SAMSN1: variants seen among roughly 807,000 people sequenced by gnomAD.
SAMSN1 encodes the protein SAM domain-containing protein SAMSN-1.
A neutral mutation model predicts 42.0 loss-of-function variants in SAMSN1; 31 were observed. The ratio of observed to expected loss-of-function variants is 0.74; its 90% CI spans 0.55 to 1.00. The LOEUF (loss-of-function observed/expected upper bound fraction) is 1.00, where lower values mean the gene tolerates loss of function less well. Among genes scored for constraint, SAMSN1 ranks in the 50% least tolerant of loss-of-function variants. SAMSN1 has a pLI of 0.00. For synonymous variants in SAMSN1, 178 were observed against 151.9 expected (o/e 1.17, Z -1.26); for missense variants, 464 against 439.4 (o/e 1.06, Z -0.50).
rs184788279 is a variant in SAMSN1, at chr21:14,644,849, C to T, written c.25-1716G>A. 2.2e-3 allele frequency among the ~76,000 whole-genome samples: 329 copies of T among 152,178 alleles called. 2 individuals carry two copies. Among genetic ancestry groups the T allele is most frequent in the African/African-American group, 7.6e-3 (316 of 41,528 alleles). Reference sequence around the variant, plus strand: ...TTCACAAAAAGCTGACTTAAGAGACCTTGGGCCTTAAGAGAGCATCTGTGG... The same window carrying T: ...TTCACAAAAAGCTGACTTAAGAGACTTTGGGCCTTAAGAGAGCATCTGTGG... On this transcript the variant is annotated intron_variant, in intron 1 of 15. Coordinates refer to the SAMSN1 transcript ENST00000647101.
chr21:14,632,167 T>C (rs1390945612), intron 2 of SAMSN1, among the ~76,000 whole-genome samples: 1 of 152,014 alleles, frequency 6.6e-6, no homozygotes, highest in African/African-American at 2.4e-5. Context: ...ATTGTGGTAG[T>C]AGCTGCTTGA....
At chr21:14,517,748 C>A (rs533352776) in intron 2 of SAMSN1, among the ~76,000 whole-genome samples, 29 of 152,204 alleles carry the variant, frequency 1.9e-4, no homozygotes, top group African/African-American at 5.5e-4. Context: ...ATAAAACACT[C>A]TGTTCACAGC....
chr21:14,589,500 T>C (rs979956417), intron 7 of SAMSN1, among the ~76,000 whole-genome samples: 10 of 152,074 alleles, frequency 6.6e-5, no homozygotes, highest in African/African-American at 2.4e-4. Context: ...ACTTTCAGAT[T>C]TATAGGCCTA....
upstream of SAMSN1, among the ~76,000 whole-genome samples, chr21:14,547,856 ACTTTT>A (rs1429265036): frequency 1.3e-5 from 2 of 152,234 alleles, no homozygotes; most frequent in Admixed American, 6.5e-5. Flanking sequence ...GAAAGAATAT[ACTTTT>A]CATGATTATG....
rs1321717610 is a variant in SAMSN1 at position 14,500,573 on chromosome 21, T to C, written c.724A>G (p.Lys242Glu). Residue 242 changes from lysine (K) to glutamate (E), a missense_variant, in exon 6 of 8, where the codon AAA (lysine) becomes GAA (glutamate). Lys to Glu is a moderately conservative substitution (Grantham distance 56, BLOSUM62 1). Transcript: ENST00000400566. ...IKANRRSNSK[K>E]SKTLQEFLER... ...AGGAACTCCTGCAGAGTCTTGGATT[T>C]TTTGCTGTTACTCCTTCGGTTTGCC... 4 of 1,614,028 alleles carry C rather than the reference T, an allele frequency of 2.5e-6. No homozygotes were observed. Among genetic ancestry groups the C allele is most frequent in the Admixed American group, 1.7e-5 (1 of 60,006 alleles).
chr21:14,614,822 A>G (rs1294996824), intron 3 of SAMSN1, among the ~76,000 whole-genome samples: 3 of 151,700 alleles, frequency 2.0e-5, no homozygotes. Flanking sequence ...TGGTAGGCCA[A>G]AAAAAAGAAA....
At chr21:14,491,579 C>T (rs1426423510) in intron 7 of SAMSN1, among the ~76,000 whole-genome samples, 1 of 152,160 alleles carries the variant, frequency 6.6e-6, no homozygotes, top group Non-Finnish European at 1.5e-5. Flanking sequence ...CCACTTCACC[C>T]AATTAGCTAG....
rs58491748 is a variant in SAMSN1 at position 14,577,284 on chromosome 21, A to ATTTTTTTT, written c.261+4844_261+4851dup. ...TATATATATATATATATATATATAT[A>ATTTTTTTT]TTTTTTTTTTAGAAGAGACAGGGTT... On this transcript the variant is annotated intron_variant, in intron 2 of 8. Coordinates refer to the SAMSN1 transcript ENST00000285670. Among the ~76,000 whole-genome samples, 5 of 53,856 alleles carry ATTTTTTTT rather than the reference A, an allele frequency of 9.3e-5. 1 individual carries two copies. Among genetic ancestry groups the ATTTTTTTT allele is most frequent in the African/African-American group, 3.4e-4 (4 of 11,882 alleles). The allele number at this position is 53,856 out of a possible 152,430, so 35.3% of individuals were successfully genotyped here. A position where few individuals can be genotyped will look rare whatever the true frequency, so the allele number is the denominator to read the frequency against.
chr21:14,509,999 CGTG>C (rs1285141819), intron 5 of SAMSN1, among the ~76,000 whole-genome samples: 5 of 151,770 alleles, frequency 3.3e-5, no homozygotes, highest in Non-Finnish European at 5.9e-5. Context: ...ATTAGCCGGG[CGTG>C]GTGGCGGGCG....
chr21:14,521,530 C>T (rs1262202652), intron 1 of SAMSN1, among the ~76,000 whole-genome samples: 1 of 151,920 alleles, frequency 6.6e-6, no homozygotes, highest in Non-Finnish European at 1.5e-5. Flanking sequence ...CTGAAGAATC[C>T]TTGAATTCCA....
intron 7 of SAMSN1, chr21:14,495,620 T>G (rs556084934): frequency 6.6e-6 from 1 of 152,188 alleles, no homozygotes; most frequent in Non-Finnish European, 1.5e-5. Flanking sequence ...CATTAAGTAA[T>G]CAACTTCTAG....
At chr21:14,604,687 A>G (rs186825503) in intron 5 of SAMSN1, among the ~76,000 whole-genome samples, 271 of 152,310 alleles carry the variant, frequency 1.8e-3, no homozygotes, top group Middle Eastern at 3.4e-3. Flanking sequence ...TTGAAACCCA[A>G]CCCTGAGGCT....
chr21:14,520,376 T>C (rs1299823196), intron 2 of SAMSN1, among the ~76,000 whole-genome samples: 1 of 152,212 alleles, frequency 6.6e-6, no homozygotes, highest in Non-Finnish European at 1.5e-5. Flanking sequence ...TATATATCTA[T>C]CAAATAATGT....
intron 2 of SAMSN1, among the ~76,000 whole-genome samples, chr21:14,570,198 A>C (rs1981255627): frequency 2.6e-5 from 4 of 152,154 alleles, no homozygotes; most frequent in Admixed American, 6.6e-5. Flanking sequence ...GGGAGGAAAA[A>C]GTTCCCGCAT....
rs898508138 is a variant in SAMSN1, at chr21:14,656,278, C to T, written c.24+2470G>A. On this transcript the variant is annotated intron_variant, in intron 1 of 15. Coordinates refer to the SAMSN1 transcript ENST00000647101. ...AAGGACAAATGGGGAGCAGGGTATT[C>T]TTCTGAATAAGACTCACTTGGCAGC... Among the ~76,000 whole-genome samples the T allele has an allele frequency of 2.0e-5, 3 of 151,692 alleles. No homozygotes were observed. The Admixed American group carries it at 2.0e-4, about 10-fold the overall frequency.
intron 2 of SAMSN1, among the ~76,000 whole-genome samples, chr21:14,559,508 C>T (rs991394751): frequency 6.6e-6 from 1 of 152,170 alleles, no homozygotes; most frequent in South Asian, 2.1e-4. Context: ...CTTTCTGTCT[C>T]TCTTCTTTTT....
upstream of SAMSN1, chr21:14,546,423 G>A: frequency 8.2e-7 from 1 of 1,225,400 alleles, no homozygotes; most frequent in Non-Finnish European, 1.1e-6. Context: ...ATTTACATGG[G>A]TAATTTTTTT....
At chr21:14,650,292 A>G (rs1275682141) in intron 1 of SAMSN1, among the ~76,000 whole-genome samples, 2 of 152,158 alleles carry the variant, frequency 1.3e-5, no homozygotes, top group Non-Finnish European at 2.9e-5. Flanking sequence ...TATGTAAAAC[A>G]AAAAAGTCTT....
chr21:14,591,509 C>T (rs1982082714), intron 7 of SAMSN1: 1 of 152,156 alleles, frequency 6.6e-6, no homozygotes, highest in African/African-American at 2.4e-5. Flanking sequence ...ACACATATCA[C>T]TTCCTAGAGT....
Sources: allele counts gnomAD v4.1 joint callset (sites outside exome capture counted in the v4.1 genomes callset), GRCh38; gene constraint gnomAD v4.1.1; transcripts MANE v1.5; gene names NCBI Gene and HGNC (gene_info 2026-07-23, HGNC 2026-07-21).